RASA1: variants seen among roughly 807,000 people sequenced by gnomAD.
RASA1 encodes RAS p21 protein activator 1.
A neutral mutation model predicts 132.2 loss-of-function variants in RASA1; 25 were observed. The ratio of observed to expected loss-of-function variants is 0.19; its 90% CI spans 0.14 to 0.26. The LOEUF (loss-of-function observed/expected upper bound fraction) is 0.26, where lower values mean the gene tolerates loss of function less well. Among genes scored for constraint, RASA1 ranks in the 10% least tolerant of loss-of-function variants. RASA1 has a pLI of 1.00. For missense variants in RASA1, 964 were observed against 1,299.2 expected, an observed-to-expected ratio of 0.74 and a Z score of 3.97; for synonymous variants, 477 against 449.9, an observed-to-expected ratio of 1.06 and a Z score of -0.76.
Position 87,346,845 on chromosome 5 carries a change from G to A in RASA1, c.1102+121G>A, listed in dbSNP as rs542426877. ...TAGTGTTTATGCATGTTATAATTTC[G>A]TGTCCAGTACTAAGAAGCTGGTGTT... On this transcript the variant is annotated intron_variant, in intron 7 of 24. Transcript: ENST00000274376. 30 of 691,078 alleles carry A rather than the reference G, an allele frequency of 4.3e-5. 1 individual carries two copies. The highest frequency in any genetic ancestry group is 2.6e-4 in the Middle Eastern group (1 of 3,862). 42.8% of individuals were successfully genotyped at this position (691,078 alleles called of 1,614,324 possible).
Position 87,333,343 on chromosome 5 carries a change from T to G in RASA1, c.899+6T>G. 6.2e-7 allele frequency: 1 copy of G among 1,613,012 alleles called. No individual in the cohort carries two copies. Among genetic ancestry groups the G allele is most frequent in the Non-Finnish European group, 8.5e-7 (1 of 1,179,342 alleles). On this transcript the variant is annotated splice_donor_region_variant and intron_variant, in intron 4 of 24. Coordinates refer to ENST00000274376, the MANE Select transcript of RASA1 (RefSeq NM_002890.3). The stretch of plus-strand genomic sequence containing the variant: ...CCAGACACTGATGAAATAAGGTATT[T>G]TATAATCTATTCTCATGTATAGGCA...
rs3069490 is a variant in RASA1 at position 87,338,501 on chromosome 5, TTATATATATATATA to T, written c.1017+429_1017+442del. On this transcript the variant is annotated intron_variant, in intron 5 of 24. Coordinates refer to ENST00000274376, the MANE Select transcript of RASA1 (RefSeq NM_002890.3). ...CATGTGCCACCATGCCCAGCTAATT[TTATATATATATATA>T]TATATATATATATATATAAAATTTT... Among the ~76,000 whole-genome samples the T allele has an allele frequency of 2.4e-3, 181 of 75,670 alleles. 5 individuals are homozygous for T. Among genetic ancestry groups the T allele is most frequent in the African/African-American group, 8.1e-3 (166 of 20,556 alleles). The allele number at this position is 75,670 out of a possible 152,430, so 49.6% of individuals were successfully genotyped here. A position where few individuals can be genotyped will look rare whatever the true frequency, so the allele number is the denominator to read the frequency against.
At position 87,378,538 on chromosome 5, in the gene RASA1, G is replaced by A; in HGVS notation, c.2487G>A (p.Glu829=). ...TAATGGAAAGCAAGCAGTCTTGTGA[G>A]GTAAGAATTTAATGTTTTAATAAGT... ...LKIMESKQSC[E]LSPSKLEKNE... is the part of the protein sequence containing the mutation. The change falls in exon 18 of 25, where the codon GAG becomes GAA. Residue 829 remains glutamate, a splice_region_variant and synonymous_variant. Coordinates refer to ENST00000274376, the MANE Select transcript of RASA1 (RefSeq NM_002890.3). 1 of 1,605,246 alleles carries A rather than the reference G, an allele frequency of 6.2e-7. No individual in the cohort carries two copies. Among genetic ancestry groups the A allele is most frequent in the Non-Finnish European group, 8.5e-7 (1 of 1,172,288 alleles).
intron 5 of RASA1, among the ~76,000 whole-genome samples, chr5:87,340,162 A>G (rs551620527): frequency 1.3e-5 from 2 of 152,282 alleles, no homozygotes; most frequent in South Asian, 2.1e-4. Context: ...CTTCCTTGAC[A>G]TTCTTGCCCT....
chr5:87,374,734 T>A (rs1317233831), intron 14 of RASA1, 106 bp from the exon 15 acceptor site: 24 of 1,501,274 alleles, frequency 1.6e-5, no homozygotes, highest in Non-Finnish European at 1.9e-5. Flanking sequence ...ACACTGTTTT[T>A]TTTTTTAAAG....
intron 5 of RASA1, among the ~76,000 whole-genome samples, chr5:87,340,809 A>G (rs891468687): frequency 2.0e-5 from 3 of 152,156 alleles, no homozygotes; most frequent in Non-Finnish European, 4.4e-5. Context: ...TACAAGCTAC[A>G]GTGGTGGGAG....
At chr5:87,388,692 A>G (rs1036169053) in intron 23 of RASA1, among the ~76,000 whole-genome samples, 3 of 152,230 alleles carry the variant, frequency 2.0e-5, no homozygotes, top group Non-Finnish European at 4.4e-5. Context: ...AAGTATTCTG[A>G]GCATAGTCCA....
At position 87,268,693 on chromosome 5, in the gene RASA1, TGGGGGGAGCTGGACTGACAGG is replaced by T; in HGVS notation, c.246_266del (p.Ala84_Gly90del). 6.2e-7 allele frequency: 1 copy of T among 1,611,612 alleles called. No individual in the cohort carries two copies. Among genetic ancestry groups the T allele is most frequent in the Non-Finnish European group, 8.5e-7 (1 of 1,179,038 alleles). On this transcript the variant is annotated inframe_deletion, in exon 1 of 25. Transcript: ENST00000274376. ...GGAGCCGGGTCTGTGGCAGGGGCAC[TGGGGGGAGCTGGACTGACAGG>T]GGGAGGTACTGCTGCTGGCGTAGCT...
At chr5:87,287,636 G>T (rs751727817) in intron 1 of RASA1, among the ~76,000 whole-genome samples, 65 of 142,936 alleles carry the variant, frequency 4.5e-4, no homozygotes, top group Non-Finnish European at 7.1e-4. Flanking sequence ...ACACGCCATA[G>T]ATATACCATA....
chr5:87,391,184 C>T lies in RASA1; in HGVS notation c.*301C>T, dbSNP rs900556819. 9 of 487,030 alleles carry T rather than the reference C, an allele frequency of 1.8e-5. No homozygotes were observed. The highest frequency in any genetic ancestry group is 5.7e-5 in the African/African-American group (3 of 52,196). The allele number at this position is 487,030 out of a possible 1,614,324, so 30.2% of individuals were successfully genotyped here. ...ATGCTATGACTGTATCTTGATATCT[C>T]GAACTTTCAAAATATATTTTCAGTA... On this transcript the variant is annotated 3_prime_UTR_variant, in exon 25 of 25. Coordinates refer to ENST00000274376, the MANE Select transcript of RASA1 (RefSeq NM_002890.3).
chr5:87,349,460 T>C, intron 8 of RASA1, 96 bp downstream of exon 8: 1 of 1,397,770 alleles, frequency 7.2e-7, no homozygotes, highest in Non-Finnish European at 9.8e-7. Flanking sequence ...TAAAAGTTTC[T>C]AACTTCTAAA....
At chr5:87,325,650 A>C (rs958722753) in intron 1 of RASA1, among the ~76,000 whole-genome samples, 2 of 152,232 alleles carry the variant, frequency 1.3e-5, no homozygotes, top group African/African-American at 4.8e-5. Context: ...AATATAACCA[A>C]AAGGAAAAAC....
chr5:87,358,817 G>A (rs1009178175), intron 9 of RASA1, among the ~76,000 whole-genome samples: 2 of 152,094 alleles, frequency 1.3e-5, no homozygotes, highest in Admixed American at 1.3e-4. Flanking sequence ...TTGTAAATAA[G>A]CCAGACTCTT....
chr5:87,289,011 T>C (rs967471575), intron 1 of RASA1, among the ~76,000 whole-genome samples: 5 of 152,212 alleles, frequency 3.3e-5, no homozygotes, highest in African/African-American at 1.2e-4. Context: ...TCGTCAGTTA[T>C]TCCTATAGTG....
At chr5:87,271,981 CGTCTCTACTAAAAAAAAAAAATCAGCCG>C (rs1278568397) in intron 1 of RASA1, among the ~76,000 whole-genome samples, 6 of 151,266 alleles carry the variant, frequency 4.0e-5, no homozygotes, top group Non-Finnish European at 7.4e-5. Context: ...GGTGAAACCC[CGTCTCTACTAAAAAAAAAAAATCAGCCG>C]GTCGTGTTGG....
At chr5:87,286,959 C>CAT (rs1166451516) in intron 1 of RASA1, among the ~76,000 whole-genome samples, 1 of 144,224 alleles carries the variant, frequency 6.9e-6, no homozygotes, top group South Asian at 2.1e-4. Flanking sequence ...ATATACATAC[C>CAT]ATATATACAC....
rs1433492478 is a variant in RASA1, at chr5:87,379,724, C to A, written c.2488-11C>A. The A allele has an allele frequency of 6.2e-7, 1 of 1,610,834 alleles. No individual in the cohort carries two copies. The highest frequency in any genetic ancestry group is 2.2e-5 in the East Asian group (1 of 44,584). On this transcript the variant is annotated splice_polypyrimidine_tract_variant and intron_variant, in intron 18 of 24. Coordinates refer to ENST00000274376, the MANE Select transcript of RASA1 (RefSeq NM_002890.3). The stretch of plus-strand genomic sequence containing the variant: ...CAACATGCATTTATATTGATTTATT[C>A]CTTCTTTTAGTTAAGTCCATCAAAG...
chr5:87,305,447 G>A (rs1409738975), intron 1 of RASA1, among the ~76,000 whole-genome samples: 1 of 152,276 alleles, frequency 6.6e-6, no homozygotes, highest in East Asian at 1.9e-4. Context: ...TATGCAGGTT[G>A]ATTGAAACTA....
intron 1 of RASA1, among the ~76,000 whole-genome samples, chr5:87,326,535 TCTTC>T (rs1214076110): frequency 6.6e-5 from 10 of 152,300 alleles, no homozygotes; most frequent in Admixed American, 6.5e-4. Context: ...CTTTTCCCCA[TCTTC>T]CTTAGAGAGG....
Sources: allele counts gnomAD v4.1 joint callset (sites outside exome capture counted in the v4.1 genomes callset), GRCh38; gene constraint gnomAD v4.1.1; transcripts MANE v1.5; gene names NCBI Gene and HGNC (gene_info 2026-07-23, HGNC 2026-07-21).